TSPAN32: variants seen among roughly 807,000 people sequenced by gnomAD.
TSPAN32 encodes tetraspanin 32, also known as tetraspanin-32.
In TSPAN32, 47 loss-of-function variants were observed where a neutral mutation model predicts 42.7. That is an observed-to-expected ratio of 1.10 (90% CI 0.87 to 1.40). The LOEUF (loss-of-function observed/expected upper bound fraction) is 1.40, where lower values mean the gene tolerates loss of function less well. Among genes scored for constraint, TSPAN32 ranks in the 40% most tolerant of loss-of-function variants. The pLI is 0.00. For missense variants in TSPAN32, 469 were observed against 424.1 expected, an observed-to-expected ratio of 1.11 and a Z score of -0.93; for synonymous variants, 175 against 175.9, an observed-to-expected ratio of 0.99 and a Z score of 0.04.
intron 6 of TSPAN32, chr11:2,315,986 C>G: frequency 6.5e-7 from 1 of 1,532,556 alleles, no homozygotes; most frequent in Non-Finnish European, 8.7e-7. Context: ...GGAGACGGCA[C>G]CGGCCGGGCC....
chr11:2,313,473 TG>T lies in TSPAN32; in HGVS notation c.355-180del, dbSNP rs1200111528. Among the ~76,000 whole-genome samples the T allele has an allele frequency of 2.0e-5, 3 of 152,192 alleles. No individual in the cohort carries two copies. Among genetic ancestry groups the T allele is most frequent in the Non-Finnish European group, 4.4e-5 (3 of 68,036 alleles). On this transcript the variant is annotated intron_variant, in intron 4 of 9. Transcript: ENST00000182290. The surrounding 1 kb of genome is among the most constrained non-coding windows in gnomAD (Gnocchi z 9.1). ...CCCCATCGTTGATGTTGGGAAGCACTGTGACTGGCTGCCCAGGGACCCAGGT... is the reference window on the plus strand; with the variant it reads ...CCCCATCGTTGATGTTGGGAAGCACTTGACTGGCTGCCCAGGGACCCAGGT...
intron 6 of TSPAN32, 198 bp downstream of exon 6, chr11:2,314,769 TG>T (rs1409226795): frequency 3.4e-6 from 2 of 589,920 alleles, no homozygotes; most frequent in African/African-American, 1.9e-5. Context: ...CCAAGCCCAT[TG>T]GGTGGCCAGG....
chr11:2,305,750 G>T (rs753215127), intron 3 of TSPAN32, among the ~76,000 whole-genome samples: 14 of 152,138 alleles, frequency 9.2e-5, no homozygotes, highest in Non-Finnish European at 1.8e-4. Flanking sequence ...GAGCAGCCTT[G>T]GAGGCCCCCA....
rs1268902537 is a variant in TSPAN32 at position 2,314,528 on chromosome 11, GCA to G, written c.503_504del (p.Thr168ArgfsTer3). The stretch of plus-strand genomic sequence containing the variant: ...AAGTCTCCTTTCAGCCGTCTGGGGA[GCA>G]CAGAGGCTGACCTGTGTCAGGGAGA... On this transcript the variant is annotated frameshift_variant, in exon 6 of 10. Transcript: ENST00000182290. LOFTEE classifies it high-confidence loss of function. 2 of 1,612,330 alleles carry G rather than the reference GCA, an allele frequency of 1.2e-6. No homozygotes were observed. The highest frequency in any genetic ancestry group is 1.7e-6 in the Non-Finnish European group (2 of 1,179,394).
rs1435824901 is a variant in TSPAN32, at chr11:2,317,083, C to A, written c.720-261C>A. ...CCTGGCCCGTCTCTGCCTGCCATGC[C>A]CATTAACCCACCCACTTGCTCTTCC... is the stretch of plus-strand genomic sequence containing the variant. On this transcript the variant is annotated intron_variant, in intron 8 of 9. Coordinates refer to ENST00000182290, the MANE Select transcript of TSPAN32 (RefSeq NM_139022.3). The surrounding 1 kb of genome is among the most constrained non-coding windows in gnomAD (Gnocchi z 6.2). Among the ~76,000 whole-genome samples, 1 of 152,132 alleles carries A rather than the reference C, an allele frequency of 6.6e-6. No homozygotes were observed. Among genetic ancestry groups the A allele is most frequent in the African/African-American group, 2.4e-5 (1 of 41,408 alleles).
chr11:2,306,771 G>A (rs1442546460), intron 3 of TSPAN32, among the ~76,000 whole-genome samples: 1 of 137,618 alleles, frequency 7.3e-6, no homozygotes, highest in South Asian at 2.5e-4. Flanking sequence ...GAGAAGGAGG[G>A]AGAAAGAGGG....
rs950234829 is a variant in TSPAN32 at position 2,302,443 on chromosome 11, GGAGGCCTGAGTGGGGCT to G, written c.66+237_66+253del. On this transcript the variant is annotated intron_variant, in intron 1 of 9. Transcript: ENST00000182290. Reference sequence around the variant, plus strand: ...CCTGAGGGGCAGCACAGAGCCTGGAGGAGGCCTGAGTGGGGCTGAGGCCTGGGGCGAGCTGGGGTGGA... The same window carrying G: ...CCTGAGGGGCAGCACAGAGCCTGGAGGAGGCCTGGGGCGAGCTGGGGTGGA... Among the ~76,000 whole-genome samples the G allele has an allele frequency of 1.6e-4, 25 of 152,334 alleles. No homozygotes were observed. In the South Asian group the frequency reaches 2.7e-3, roughly 16 times the overall value.
intron 3 of TSPAN32, among the ~76,000 whole-genome samples, chr11:2,308,031 G>A (rs901829920): frequency 8.5e-5 from 13 of 152,088 alleles, no homozygotes; most frequent in African/African-American, 3.1e-4. Flanking sequence ...GACTCTGCCC[G>A]GCCCTGTCCA....
intron 4 of TSPAN32, 89 bp downstream of exon 4, chr11:2,308,899 C>T (rs1463264395): frequency 1.1e-6 from 1 of 885,420 alleles, no homozygotes; most frequent in Non-Finnish European, 1.8e-6. Context: ...CTGGGAGGAG[C>T]AGCCCCAGCT....
At chr11:2,315,350 C>T in intron 6 of TSPAN32, 3 of 1,160,660 alleles carry the variant, frequency 2.6e-6, no homozygotes, top group South Asian at 3.4e-5. Context: ...GGCAGAAGGG[C>T]TGGCGCTGAG....
chr11:2,315,799 A>G, intron 6 of TSPAN32: 1 of 1,314,454 alleles, frequency 7.6e-7, no homozygotes, highest in Non-Finnish European at 1.0e-6. Flanking sequence ...CTGTGCGGGG[A>G]CCCCCCTCAC....
intron 6 of TSPAN32, 73 bp downstream of exon 6, chr11:2,314,644 C>T: frequency 7.9e-7 from 1 of 1,268,874 alleles, no homozygotes; most frequent in Admixed American, 2.0e-5. Context: ...AACCCCAAGA[C>T]CCAGGGCCAT....
intron 4 of TSPAN32, among the ~76,000 whole-genome samples, chr11:2,312,195 C>A (rs1358957774): frequency 6.6e-6 from 1 of 152,208 alleles, no homozygotes; most frequent in African/African-American, 2.4e-5. Flanking sequence ...CCATGGCAGG[C>A]GCCTGACAAT....
chr11:2,317,938 T>G lies in TSPAN32; in HGVS notation c.*14T>G, dbSNP rs985056920. On this transcript the variant is annotated 3_prime_UTR_variant, in exon 10 of 10. Transcript: ENST00000182290. The surrounding 1 kb of genome is among the most constrained non-coding windows in gnomAD (Gnocchi z 6.2). ...CTCTCAGACTGACGTCAGGCCTTGG[T>G]GGGCTGCACTCTCACCTGGAGGCTC... The G allele has an allele frequency of 2.2e-6, 2 of 923,956 alleles. No individual in the cohort carries two copies. The highest frequency in any genetic ancestry group is 4.8e-5 in the East Asian group (2 of 41,824). The allele number at this position is 923,956 out of a possible 1,614,324, so 57.2% of individuals were successfully genotyped here.
rs1330500227 is a variant in TSPAN32 at position 2,304,933 on chromosome 11, C to T, written c.279+729C>T. 1.3e-5 allele frequency among the ~76,000 whole-genome samples: 2 copies of T among 152,148 alleles called. No individual in the cohort carries two copies. Among genetic ancestry groups the T allele is most frequent in the South Asian group, 2.1e-4 (1 of 4,826 alleles). ...CCCAGCTGGGGCAGCTCCTCCCTGG[C>T]GCCCCGGGCTCCCACCTGTCCCTCT... On this transcript the variant is annotated intron_variant, in intron 3 of 9. Coordinates refer to ENST00000182290, the MANE Select transcript of TSPAN32 (RefSeq NM_139022.3). This position sits in a 1 kb window ranked among gnomAD's most constrained non-coding sequence, Gnocchi z 4.8.
At chr11:2,314,756 A>G in intron 6 of TSPAN32, 185 bp downstream of exon 6, 1 of 598,438 alleles carries the variant, frequency 1.7e-6, no homozygotes, top group South Asian at 2.0e-5. Context: ...GGTTCATGGT[A>G]CGCCAAGCCC....
intron 1 of TSPAN32, chr11:2,302,566 C>T: frequency 3.7e-6 from 2 of 544,504 alleles, no homozygotes; most frequent in Non-Finnish European, 6.6e-6. Flanking sequence ...GGCTCACTCC[C>T]ACTCCGTAGA....
chr11:2,307,858 G>C (rs1176273457), intron 3 of TSPAN32, among the ~76,000 whole-genome samples: 1 of 152,142 alleles, frequency 6.6e-6, no homozygotes, highest in Non-Finnish European at 1.5e-5. Context: ...TGAGGTGAGG[G>C]AGGTGGGCTC....
chr11:2,302,804 C>T, intron 1 of TSPAN32, 40 bp from the exon 2 acceptor site: 1 of 1,560,662 alleles, frequency 6.4e-7, no homozygotes. Flanking sequence ...GCTCCTGCAG[C>T]AGTCCCATGC....
Sources: allele counts gnomAD v4.1 joint callset (sites outside exome capture counted in the v4.1 genomes callset), GRCh38; gene constraint gnomAD v4.1.1; non-coding constraint Gnocchi (gnomAD v3.1); transcripts MANE v1.5; gene names NCBI Gene and HGNC (gene_info 2026-07-23, HGNC 2026-07-21).